The following CYP4F3 variants were observed in gnomAD, a reference collection of about 807,000 sequenced individuals.
CYP4F3 encodes cytochrome P450 family 4 subfamily F member 3.
In CYP4F3, 50 loss-of-function variants were observed where a neutral mutation model predicts 54.8. The observed-to-expected ratio is 0.91, with a 90% CI of 0.73 to 1.16. The LOEUF (loss-of-function observed/expected upper bound fraction) is 1.16. Among genes scored for constraint, CYP4F3 ranks in the 50% most tolerant of loss-of-function variants. The pLI is 0.00. For synonymous variants in CYP4F3, 244 were observed against 262.6 expected, an observed-to-expected ratio of 0.93 and a Z score of 0.69; for missense variants, 715 against 676.2, an observed-to-expected ratio of 1.06 and a Z score of -0.64.
rs1018794284 is a variant in CYP4F3 at position 15,652,867 on chromosome 19, C to CT, written c.1032dup (p.Ala345CysfsTer22). 1.2e-6 allele frequency: 2 copies of CT among 1,613,780 alleles called. No individual in the cohort carries two copies. Among genetic ancestry groups the CT allele is most frequent in the Non-Finnish European group, 1.7e-6 (2 of 1,179,882 alleles). The stretch of plus-strand genomic sequence containing the variant: ...TGGTCTCTCCTGGGTCCTGTACCAC[C>CT]TTGCAAAGCACCCGGAATACCAGGA... On this transcript the variant is annotated frameshift_variant, in exon 9 of 13. Coordinates refer to ENST00000221307, the MANE Select transcript of CYP4F3 (RefSeq NM_000896.3). LOFTEE classifies it high-confidence loss of function.
In CYP4F3 at chr19:15,649,237, C is replaced by T. The variant is rs777041018; in HGVS notation, c.603C>T (p.Asp201=). Residue 201 remains aspartate, a synonymous_variant, in exon 6 of 13, where the codon GAC becomes GAT. Coordinates refer to ENST00000221307, the MANE Select transcript of CYP4F3 (RefSeq NM_000896.3). ...MFEHISLMTL[D]SLQKCVFSFD... is the part of the protein sequence containing the mutation. Reference sequence around the variant, plus strand: ...AGCACATCAGCCTCATGACCTTGGACAGTCTGCAGAAATGTGTCTTCAGCT... The same window carrying T: ...AGCACATCAGCCTCATGACCTTGGATAGTCTGCAGAAATGTGTCTTCAGCT... 1 of 1,613,432 alleles carries T rather than the reference C, an allele frequency of 6.2e-7. No homozygotes were observed. The highest frequency in any genetic ancestry group is 1.1e-5 in the South Asian group (1 of 91,078).
In CYP4F3 at chr19:15,661,067, A is replaced by C. The variant is rs892946389; in HGVS notation, c.*1682A>C. The C allele has an allele frequency of 6.6e-6, 1 of 152,052 alleles. No individual in the cohort carries two copies. The highest frequency in any genetic ancestry group is 1.5e-5 in the Non-Finnish European group (1 of 68,026). 9.4% of individuals were successfully genotyped at this position (152,052 alleles called of 1,614,324 possible). A position where few individuals can be genotyped will look rare whatever the true frequency, so the allele number is the denominator to read the frequency against. On this transcript the variant is annotated 3_prime_UTR_variant, in exon 13 of 13. Transcript: ENST00000221307. ...AATAATGATCCAGCCATCTCATTCT[A>C]ACAGCAATGAGAACTTAGGCTCCCC...
intron 2 of CYP4F3, among the ~76,000 whole-genome samples, chr19:15,643,169 ATAGG>A (rs1424305574): frequency 6.6e-6 from 1 of 151,228 alleles, no homozygotes; most frequent in East Asian, 1.9e-4. Context: ...GAATAGATAG[ATAGG>A]TAGGTAGATA....
chr19:15,649,125 G>A (rs755897090), intron 5 of CYP4F3, 35 bp from the exon 6 acceptor site: 1 of 1,611,758 alleles, frequency 6.2e-7, no homozygotes, highest in South Asian at 1.1e-5. Flanking sequence ...AGGGAGCAAG[G>A]GACCTGCCCC....
intron 7 of CYP4F3, 50 bp downstream of exon 7, chr19:15,650,233 G>A (rs961579278): frequency 1.2e-6 from 2 of 1,613,938 alleles, no homozygotes; most frequent in African/African-American, 2.7e-5. Context: ...AGCTTCATGT[G>A]AAATGTCAGA....
chr19:15,643,405 A>AATAGATAGATAG (rs57178444), intron 2 of CYP4F3, among the ~76,000 whole-genome samples: 75 of 99,370 alleles, frequency 7.5e-4, no homozygotes, highest in South Asian at 1.7e-3. Context: ...TATATAGGTA[A>AATAGATAGATAG]ATAGATAGAT....
At chr19:15,650,755 T>TTTTCTC (rs1972802441) in intron 7 of CYP4F3, among the ~76,000 whole-genome samples, 1 of 107,270 alleles carries the variant, frequency 9.3e-6, no homozygotes. Context: ...CCTTCCATCT[T>TTTTCTC]TCTTTCTTTC....
intron 6 of CYP4F3, 106 bp from the exon 7 acceptor site, chr19:15,649,807 A>C: frequency 2.0e-6 from 3 of 1,499,710 alleles, no homozygotes; most frequent in Non-Finnish European, 2.7e-6. Context: ...CTGTTCCTGG[A>C]TACCCCGTTT....
At chr19:15,649,340 G>A in intron 6 of CYP4F3, 59 bp downstream of exon 6, 1 of 1,609,648 alleles carries the variant, frequency 6.2e-7, no homozygotes, top group Non-Finnish European at 8.5e-7. Flanking sequence ...GGTAGGTGGG[G>A]GGCTGGGGAG....
chr19:15,656,566 A>G (rs1599911735), intron 9 of CYP4F3, among the ~76,000 whole-genome samples: 1 of 147,946 alleles, frequency 6.8e-6, no homozygotes, highest in Non-Finnish European at 1.5e-5. Flanking sequence ...TCTATCTATC[A>G]TCTATCAATG....
At chr19:15,644,842 C>T (rs1972578042) in intron 2 of CYP4F3, among the ~76,000 whole-genome samples, 1 of 152,234 alleles carries the variant, frequency 6.6e-6, no homozygotes, top group African/African-American at 2.4e-5. Flanking sequence ...GAGACCATGG[C>T]TCTGGCCTCA....
At chr19:15,643,858 A>C in intron 2 of CYP4F3, 1 of 1,477,900 alleles carries the variant, frequency 6.8e-7, no homozygotes, top group Non-Finnish European at 8.9e-7. Flanking sequence ...TCAAGTGGAC[A>C]CCTAGAATTA....
At position 15,658,535 on chromosome 19, in the gene CYP4F3, G is replaced by A. The variant is rs776147704; in HGVS notation, c.1294G>A (p.Ala432Thr). The A allele has an allele frequency of 3.1e-6, 5 of 1,614,026 alleles. No homozygotes were observed. Among genetic ancestry groups the A allele is most frequent in the Non-Finnish European group, 4.2e-6 (5 of 1,180,028 alleles). Residue 432 changes from alanine to threonine, a missense_variant, in exon 11 of 13, where the codon GCC becomes ACC. Ala to Thr is a moderately conservative substitution (Grantham distance 58). Coordinates refer to ENST00000221307, the MANE Select transcript of CYP4F3 (RefSeq NM_000896.3). ...TGTTTTTGGAACCCATCACAACCCA[G>A]CCGTGTGGCCGGACCCTGAGGTGCG... ...ISVFGTHHNP[A>T]VWPDPEVYDP...
At position 15,660,583 on chromosome 19, in the gene CYP4F3, T is replaced by C. The variant is rs1001982235; in HGVS notation, c.*1198T>C. On this transcript the variant is annotated 3_prime_UTR_variant, in exon 13 of 13. Coordinates refer to ENST00000221307, the MANE Select transcript of CYP4F3 (RefSeq NM_000896.3). ...CTGAGTGGAAGAGTGGGGATAAATC[T>C]GGTTCGTTTGGCATCAGAGGCCATG... is the stretch of plus-strand genomic sequence containing the variant. The C allele has an allele frequency of 6.6e-6, 1 of 152,186 alleles. No homozygotes were observed. Among genetic ancestry groups the C allele is most frequent in the African/African-American group, 2.4e-5 (1 of 41,442 alleles). The allele number at this position is 152,186 out of a possible 1,614,324, so 9.4% of individuals were successfully genotyped here.
At chr19:15,650,719 T>TTC (rs1568397883) in intron 7 of CYP4F3, among the ~76,000 whole-genome samples, 7 of 99,806 alleles carry the variant, frequency 7.0e-5, no homozygotes, top group Admixed American at 1.1e-4. Flanking sequence ...TTTCTTTCTT[T>TTC]CTTTCTTTCT....
rs371080399 is a variant in CYP4F3 at position 15,658,556 on chromosome 19, G to A, written c.1314+1G>A. On this transcript the variant is annotated splice_donor_variant, in intron 11 of 12. Coordinates refer to ENST00000221307, the MANE Select transcript of CYP4F3 (RefSeq NM_000896.3). LOFTEE classifies it high-confidence loss of function. ...CCCAGCCGTGTGGCCGGACCCTGAG[G>A]TGCGGGCCCCCCGTCTCTGTTTTTG... The A allele has an allele frequency of 2.1e-4, 334 of 1,614,150 alleles. No homozygotes were observed. Among genetic ancestry groups the A allele is most frequent in the Admixed American group, 8.5e-4 (51 of 60,026 alleles).
intron 9 of CYP4F3, among the ~76,000 whole-genome samples, chr19:15,658,023 C>T (rs1973073169): frequency 6.6e-6 from 1 of 152,156 alleles, no homozygotes; most frequent in Non-Finnish European, 1.5e-5. Flanking sequence ...GGCCCCTTTA[C>T]CAAATGTGAA....
rs9917041 is a variant in CYP4F3, at chr19:15,657,160, G to T, written c.1116-1104G>T. On this transcript the variant is annotated intron_variant, in intron 9 of 12. Coordinates refer to ENST00000221307, the MANE Select transcript of CYP4F3 (RefSeq NM_000896.3). ...ACATTTTCCCATTAATGTATATTTG[G>T]CTTGTCTCCAAACTTTTGCTAAACT... Among the ~76,000 whole-genome samples the T allele has an allele frequency of 9.3e-3, 1,414 of 152,184 alleles. 22 individuals carry two copies. The highest frequency in any genetic ancestry group is 0.032 in the African/African-American group (1,347 of 41,490).
At chr19:15,650,351 C>A in intron 7 of CYP4F3, 168 bp downstream of exon 7, 2 of 1,315,358 alleles carry the variant, frequency 1.5e-6, no homozygotes, top group Non-Finnish European at 1.1e-6. Context: ...TGTGGACTAG[C>A]ACCTACCAGG....
Sources: allele counts gnomAD v4.1 joint callset (sites outside exome capture counted in the v4.1 genomes callset), GRCh38; gene constraint gnomAD v4.1.1; transcripts MANE v1.5; gene names NCBI Gene and HGNC (gene_info 2026-07-23, HGNC 2026-07-21).